Variants in RMDN2 observed in about 807,000 individuals in gnomAD.
RMDN2 encodes the protein regulator of microtubule dynamics 2, also known as regulator of microtubule dynamics protein 2.
A neutral mutation model predicts 52.8 loss-of-function variants in RMDN2; 61 were observed. The ratio of observed to expected loss-of-function variants is 1.16; its 90% confidence interval spans 0.94 to 1.43. The LOEUF (loss-of-function observed/expected upper bound fraction) is 1.43, where lower values mean the gene tolerates loss of function less well. Among genes scored for constraint, RMDN2 ranks in the 40% most tolerant of loss-of-function variants. The pLI, the probability that RMDN2 is intolerant of heterozygous loss-of-function variation, is 0.00. For synonymous variants in RMDN2, 180 were observed against 153.1 expected, an observed-to-expected ratio of 1.18 and a Z score of -1.30; for missense variants, 592 against 475.3, an observed-to-expected ratio of 1.25 and a Z score of -2.28.
chr2:37,960,214 G>A (rs1037447117), intron 2 of RMDN2, among the ~76,000 whole-genome samples: 15 of 152,012 alleles, frequency 9.9e-5, no homozygotes, highest in East Asian at 1.9e-4. Flanking sequence ...TTTCTGTCTC[G>A]TTGATCTGTC....
chr2:38,064,317 T>G (rs1194563066), intron 10 of RMDN2, among the ~76,000 whole-genome samples: 1 of 151,930 alleles, frequency 6.6e-6, no homozygotes, highest in Admixed American at 6.6e-5. Flanking sequence ...TGGTGAAACC[T>G]CGTGTCTACT....
intron 2 of RMDN2, among the ~76,000 whole-genome samples, chr2:37,932,234 G>C (rs1020923907): frequency 6.7e-6 from 1 of 149,072 alleles, no homozygotes. Flanking sequence ...TGTGTCCCTG[G>C]GTACTTGAGA....
In RMDN2 at chr2:37,929,396, C is replaced by G; in HGVS notation, c.119C>G (p.Pro40Arg). ...AAACCAGGGATAGCAATGAAGTTACCTGAATTTCTTTCTCTGGGTAATACA... is the reference window on the plus strand; with the variant it reads ...AAACCAGGGATAGCAATGAAGTTACGTGAATTTCTTTCTCTGGGTAATACA... ...VRKPGIAMKL[P>R]EFLSLGNTFN... The change falls in exon 2 of 11, where the codon CCT becomes CGT. Residue 40 changes from proline (P) to arginine (R), a missense_variant. Transcript: ENST00000354545. 6.4e-7 allele frequency: 1 copy of G among 1,551,508 alleles called. No individual in the cohort carries two copies. Among genetic ancestry groups the G allele is most frequent in the Non-Finnish European group, 8.7e-7 (1 of 1,146,740 alleles).
intron 2 of RMDN2, chr2:37,950,370 A>G: frequency 7.1e-7 from 1 of 1,401,258 alleles, no homozygotes; most frequent in Admixed American, 2.0e-5. Flanking sequence ...ACTTCGGAGA[A>G]AGGTGAGCTA....
chr2:38,047,581 A>G (rs1681349785), intron 10 of RMDN2, among the ~76,000 whole-genome samples: 1 of 152,216 alleles, frequency 6.6e-6, no homozygotes, highest in Admixed American at 6.5e-5. Flanking sequence ...CTTTCTTACC[A>G]CTTAGGCCTT....
At chr2:37,938,440 C>G (rs1275404093) in intron 2 of RMDN2, among the ~76,000 whole-genome samples, 3 of 151,986 alleles carry the variant, frequency 2.0e-5, no homozygotes, top group Non-Finnish European at 4.4e-5. Context: ...CCCTCTTTTT[C>G]TGTTGTTTGG....
intron 10 of RMDN2, among the ~76,000 whole-genome samples, chr2:38,057,137 G>A (rs1342834720): frequency 1.3e-5 from 2 of 152,192 alleles, no homozygotes; most frequent in East Asian, 1.9e-4. Context: ...AACATGAAGA[G>A]GTTGTTACTA....
chr2:38,005,875 T>C (rs1677006747), intron 10 of RMDN2, among the ~76,000 whole-genome samples: 1 of 152,230 alleles, frequency 6.6e-6, no homozygotes, highest in Non-Finnish European at 1.5e-5. Context: ...GAATTAATTT[T>C]TGTATAAGGT....
chr2:38,012,152 T>C (rs1242933075), intron 10 of RMDN2, among the ~76,000 whole-genome samples: 4 of 152,280 alleles, frequency 2.6e-5, no homozygotes, highest in East Asian at 3.9e-4. Context: ...GAACATACTG[T>C]TCCACTTCCT....
Position 37,951,361 on chromosome 2 carries a change from C to T in RMDN2, c.452+21632C>T, listed in dbSNP as rs1187495842. On this transcript the variant is annotated intron_variant, in intron 2 of 10. Transcript: ENST00000354545. ...TCTCTTGGTCATAAAACATCTTATT[C>T]CCCTGTAACACATAAAGTCAATGCA... 1.9e-6 allele frequency: 3 copies of T among 1,613,264 alleles called. No individual in the cohort carries two copies. Among genetic ancestry groups the T allele is most frequent in the Non-Finnish European group, 2.5e-6 (3 of 1,179,638 alleles).
intron 5 of RMDN2, among the ~76,000 whole-genome samples, chr2:37,983,532 TA>T (rs1673605254): frequency 6.6e-6 from 1 of 152,152 alleles, no homozygotes; most frequent in Non-Finnish European, 1.5e-5. Flanking sequence ...AGTTTTGAAT[TA>T]AAAAAATAAA....
intron 2 of RMDN2, among the ~76,000 whole-genome samples, chr2:37,930,574 G>A (rs147245895): frequency 1.9e-3 from 295 of 152,314 alleles, no homozygotes; most frequent in African/African-American, 6.5e-3. Flanking sequence ...ACAGGCAAGA[G>A]ACAGCACGAG....
At chr2:37,975,361 A>G (rs373439322) in intron 4 of RMDN2, 47 bp downstream of exon 4, 13 of 1,078,446 alleles carry the variant, frequency 1.2e-5, no homozygotes, top group Non-Finnish European at 1.7e-5. Context: ...TAAGATCTAT[A>G]GTAAATCATG....
chr2:38,055,022 A>G (rs1173346032), intron 10 of RMDN2, among the ~76,000 whole-genome samples: 2 of 152,216 alleles, frequency 1.3e-5, no homozygotes, highest in South Asian at 2.1e-4. Flanking sequence ...ACCATAAACC[A>G]TATTTTTAGA....
rs1666550267 is a variant in RMDN2 at position 37,929,520 on chromosome 2, A to G, written c.243A>G (p.Glu81=). ...TTCAGATACTGGAGAAGTTAAACGA[A>G]TTACTGACAAATATGGAAGAACTCA... The part of the protein sequence containing the change: ...RQLQILEKLN[E]LLTNMEELKE... Residue 81 remains glutamate, a synonymous_variant, in exon 2 of 11, where the codon GAA becomes GAG. Transcript: ENST00000354545. 1 of 1,551,698 alleles carries G rather than the reference A, an allele frequency of 6.4e-7. No individual in the cohort carries two copies. The highest frequency in any genetic ancestry group is 1.4e-5 in the African/African-American group (1 of 73,064).
At chr2:37,956,690 G>A (rs1014783411) in intron 2 of RMDN2, among the ~76,000 whole-genome samples, 5 of 151,560 alleles carry the variant, frequency 3.3e-5, no homozygotes, top group Admixed American at 6.6e-5. Context: ...TAAGTTCTGG[G>A]ATACATGTGC....
intron 2 of RMDN2, among the ~76,000 whole-genome samples, chr2:37,954,800 A>G (rs1392251521): frequency 6.6e-6 from 1 of 152,118 alleles, no homozygotes; most frequent in Non-Finnish European, 1.5e-5. Flanking sequence ...GGTAGGATTG[A>G]CATCTTAACA....
intron 2 of RMDN2, among the ~76,000 whole-genome samples, chr2:37,973,599 G>T (rs1672076425): frequency 6.6e-6 from 1 of 152,192 alleles, no homozygotes; most frequent in African/African-American, 2.4e-5. Context: ...GGTTAGAGAT[G>T]AAGGGAATGT....
At chr2:37,939,287 T>C (rs1438594545) in intron 2 of RMDN2, among the ~76,000 whole-genome samples, 2 of 152,208 alleles carry the variant, frequency 1.3e-5, no homozygotes, top group African/African-American at 2.4e-5. Flanking sequence ...CTTTTACATT[T>C]GCTGAGGAGT....
Sources: allele counts gnomAD v4.1 joint callset (sites outside exome capture counted in the v4.1 genomes callset), GRCh38; gene constraint gnomAD v4.1.1; transcripts MANE v1.5; gene names NCBI Gene and HGNC (gene_info 2026-07-23, HGNC 2026-07-21).